The following DLG1 variants were observed in gnomAD, a reference collection of about 807,000 sequenced individuals.
DLG1 encodes the protein disks large homolog 1.
Under a neutral mutation model 123.4 loss-of-function variants are expected in DLG1, and 42 were observed. That is an observed-to-expected ratio of 0.34 (90% confidence interval 0.27 to 0.44). The LOEUF (loss-of-function observed/expected upper bound fraction) is 0.44. Ranked by LOEUF, DLG1 falls within the 20% of genes least tolerant of loss-of-function variation. DLG1 has a pLI of 1.00. For missense variants in DLG1, 942 were observed against 1,082.6 expected, an observed-to-expected ratio of 0.87 and a Z score of 1.82; for synonymous variants, 317 against 356.2, an observed-to-expected ratio of 0.89 and a Z score of 1.24.
At chr3:197,103,014 T>C (rs1471035203) in intron 14 of DLG1, among the ~76,000 whole-genome samples, 1 of 152,232 alleles carries the variant, frequency 6.6e-6, no homozygotes, top group African/African-American at 2.4e-5. Context: ...AGAGGCAGGC[T>C]GCTTTATCCA....
chr3:197,162,990 T>C (rs1411767531), intron 5 of DLG1, among the ~76,000 whole-genome samples: 2 of 152,184 alleles, frequency 1.3e-5, no homozygotes, highest in African/African-American at 4.8e-5. Context: ...TTAAAGACTC[T>C]TACAACGCAA....
At chr3:197,138,102 C>A in intron 9 of DLG1, 120 bp downstream of exon 9, 2 of 531,488 alleles carry the variant, frequency 3.8e-6, no homozygotes, top group South Asian at 8.6e-5. Context: ...TTAAAATCCA[C>A]TCAAGTTCTG....
chr3:197,259,145 T>C (rs535988409), intron 4 of DLG1, among the ~76,000 whole-genome samples: 4 of 152,082 alleles, frequency 2.6e-5, no homozygotes, highest in African/African-American at 9.6e-5. Flanking sequence ...AGAACCAACA[T>C]AGACAACCAT....
At chr3:197,163,415 A>C (rs1799632988) in intron 5 of DLG1, among the ~76,000 whole-genome samples, 1 of 152,124 alleles carries the variant, frequency 6.6e-6, no homozygotes, top group Admixed American at 6.6e-5. Context: ...TTGTATGCCA[A>C]TGTTCAATGC....
intron 23 of DLG1, among the ~76,000 whole-genome samples, chr3:197,056,069 G>T (rs1462307039): frequency 6.6e-6 from 1 of 152,182 alleles, no homozygotes; most frequent in Admixed American, 6.5e-5. Flanking sequence ...CATGTTAAGA[G>T]CTGAAATTAA....
At position 197,208,830 on chromosome 3, in the gene DLG1, G is replaced by C. The variant is rs539563615; in HGVS notation, c.319-14241C>G. On this transcript the variant is annotated intron_variant, in intron 4 of 24. Coordinates refer to ENST00000667157, the MANE Select transcript of DLG1 (RefSeq NM_001366207.1). The stretch of plus-strand genomic sequence containing the variant: ...TTACCCCTGGGGGAAAGAGGCAAGA[G>C]GGAGACCTTTTCATCTTCATACAGC... Among the ~76,000 whole-genome samples, 8 of 145,900 alleles carry C rather than the reference G, an allele frequency of 5.5e-5. 1 individual carries two copies. The highest frequency in any genetic ancestry group is 1.4e-4 in the Admixed American group (2 of 14,508).
At chr3:197,211,835 G>A (rs1430715630) in intron 4 of DLG1, among the ~76,000 whole-genome samples, 1 of 146,122 alleles carries the variant, frequency 6.8e-6, no homozygotes, top group Non-Finnish European at 1.5e-5. Context: ...ACTCACAATA[G>A]CAAAGACATG....
chr3:197,141,283 G>A (rs976008748), intron 7 of DLG1, among the ~76,000 whole-genome samples: 3 of 152,070 alleles, frequency 2.0e-5, no homozygotes, highest in Non-Finnish European at 4.4e-5. Context: ...AATTACTTAG[G>A]TACTCAAGTT....
intron 15 of DLG1, among the ~76,000 whole-genome samples, chr3:197,086,575 C>G (rs1754499251): frequency 6.6e-6 from 1 of 152,090 alleles, no homozygotes; most frequent in African/African-American, 2.4e-5. Context: ...TCACACTACC[C>G]AACATTTAAG....
chr3:197,249,803 G>A (rs192522856), intron 4 of DLG1, among the ~76,000 whole-genome samples: 5 of 151,946 alleles, frequency 3.3e-5, no homozygotes, highest in African/African-American at 4.8e-5. Flanking sequence ...TAACAGAACC[G>A]AAAACAAAAA....
intron 3 of DLG1, among the ~76,000 whole-genome samples, chr3:197,288,709 G>A (rs1217902600): frequency 2.8e-5 from 2 of 72,568 alleles, no homozygotes; most frequent in Non-Finnish European, 4.8e-5. Context: ...CAACAAGAGT[G>A]AAACTGTCTC....
At chr3:197,121,293 T>C (rs1327533493) in intron 11 of DLG1, among the ~76,000 whole-genome samples, 1 of 152,100 alleles carries the variant, frequency 6.6e-6, no homozygotes, top group African/African-American at 2.4e-5. Context: ...CTATTTCTTA[T>C]ACCCCAAATC....
At chr3:197,145,064 C>A (rs903024430) in intron 6 of DLG1, among the ~76,000 whole-genome samples, 1 of 151,888 alleles carries the variant, frequency 6.6e-6, no homozygotes, top group Non-Finnish European at 1.5e-5. Context: ...CTCACACACA[C>A]ACACACACAC....
At chr3:197,066,920 T>G (rs891921617) in intron 19 of DLG1, among the ~76,000 whole-genome samples, 166 bp from the exon 20 acceptor site, 2 of 152,150 alleles carry the variant, frequency 1.3e-5, no homozygotes, top group Non-Finnish European at 2.9e-5. Context: ...TGTCAAATTA[T>G]AAAGTCTTAA....
chr3:197,213,402 G>C (rs565383531), intron 4 of DLG1, among the ~76,000 whole-genome samples: 2 of 152,244 alleles, frequency 1.3e-5, no homozygotes, highest in East Asian at 3.9e-4. Flanking sequence ...TACCTGGTGG[G>C]GAGTGGAGGG....
chr3:197,282,993 ATCT>A (rs1770127869), intron 3 of DLG1, 148 bp from the exon 4 acceptor site: 1 of 485,978 alleles, frequency 2.1e-6, no homozygotes, highest in Non-Finnish European at 3.6e-6. Flanking sequence ...AGTGAATATT[ATCT>A]TATTTCATTA....
chr3:197,226,377 T>TA (rs1474958712), intron 4 of DLG1: 3 of 152,154 alleles, frequency 2.0e-5, no homozygotes, highest in African/African-American at 7.2e-5. Context: ...GCAGAGCCAC[T>TA]ATGCTCAAAT....
intron 1 of DLG1, chr3:197,297,573 T>C: frequency 9.6e-7 from 1 of 1,043,210 alleles, no homozygotes; most frequent in Non-Finnish European, 1.2e-6. Flanking sequence ...GGTGAAGCGC[T>C]CCGACCCTTG....
At chr3:197,093,218 G>A (rs1262285386) in intron 14 of DLG1, among the ~76,000 whole-genome samples, 1 of 151,862 alleles carries the variant, frequency 6.6e-6, no homozygotes, top group African/African-American at 2.4e-5. Context: ...GAGTGCAGTG[G>A]CGCGATCTTG....
Sources: gnomAD v4.1 joint callset for allele counts (sites outside exome capture counted in the v4.1 genomes callset) on GRCh38, gnomAD v4.1.1 for gene constraint, MANE v1.5 for transcripts, NCBI Gene and HGNC (gene_info 2026-07-23, HGNC 2026-07-21) for gene names.